The following AKAP19 variants were observed in gnomAD, a reference collection of about 807,000 sequenced individuals.
AKAP19 encodes the protein small A-kinase anchoring protein.
chr2:189,920,279 A>G, the AKAP19 span, among the ~76,000 whole-genome samples: 10 of 152,304 alleles, frequency 6.6e-5, no homozygotes, highest in East Asian at 1.9e-3. Context: ...GGGCTTCTAC[A>G]CTTTTCTTGC....
the AKAP19 span, among the ~76,000 whole-genome samples, chr2:190,015,756 A>G: frequency 3.3e-5 from 5 of 152,200 alleles, no homozygotes; most frequent in African/African-American, 9.6e-5. Context: ...TTGTGAATGC[A>G]TAAGACTTAA....
At chr2:189,881,737 G>C in the AKAP19 span, among the ~76,000 whole-genome samples, 1 of 152,086 alleles carries the variant, frequency 6.6e-6, no homozygotes, top group Non-Finnish European at 1.5e-5. Context: ...TTGCAGTCTT[G>C]TAGCCTGCAA....
chr2:190,149,046 C>T, the AKAP19 span, among the ~76,000 whole-genome samples: 32 of 151,528 alleles, frequency 2.1e-4, no homozygotes, highest in Admixed American at 5.9e-4. Flanking sequence ...TCACTGCAAC[C>T]TCTGCCTCTC....
the AKAP19 span, among the ~76,000 whole-genome samples, chr2:190,000,143 C>A: frequency 1.3e-5 from 2 of 152,154 alleles, no homozygotes; most frequent in South Asian, 4.1e-4. Flanking sequence ...CATTGGATGA[C>A]TAAATTATAA....
the AKAP19 span, among the ~76,000 whole-genome samples, chr2:190,144,770 A>G: frequency 6.6e-6 from 1 of 152,020 alleles, no homozygotes; most frequent in Admixed American, 6.6e-5. Flanking sequence ...TGAGGTCAGG[A>G]GTTCGAGACC....
At chr2:190,121,777 G>A in the AKAP19 span, among the ~76,000 whole-genome samples, 1 of 152,164 alleles carries the variant, frequency 6.6e-6, no homozygotes, top group Non-Finnish European at 1.5e-5. Flanking sequence ...GGAATTTTAA[G>A]ACCCAAGAAA....
chr2:190,168,417 C>A, the AKAP19 span, among the ~76,000 whole-genome samples: 2 of 152,118 alleles, frequency 1.3e-5, no homozygotes, highest in African/African-American at 4.8e-5. Context: ...CCCCCACCCC[C>A]CCACCGCCCT....
chr2:189,881,807 C>T, the AKAP19 span, among the ~76,000 whole-genome samples: 237 of 152,226 alleles, frequency 1.6e-3, 2 homozygotes, highest in Middle Eastern at 0.034. Flanking sequence ...AAACATTAGG[C>T]AAGACTAGAA....
the AKAP19 span, among the ~76,000 whole-genome samples, chr2:189,976,950 T>C: frequency 6.6e-6 from 1 of 152,160 alleles, no homozygotes; most frequent in Non-Finnish European, 1.5e-5. Flanking sequence ...CTTGCCCTGC[T>C]TTGGCTCACA....
At chr2:189,944,497 A>G in the AKAP19 span, among the ~76,000 whole-genome samples, 1 of 152,128 alleles carries the variant, frequency 6.6e-6, no homozygotes, top group Non-Finnish European at 1.5e-5. Context: ...CACCTCGGGT[A>G]TTTCTTTATA....
chr2:189,995,038 C>T, the AKAP19 span, among the ~76,000 whole-genome samples: 26 of 152,124 alleles, frequency 1.7e-4, 1 homozygote, highest in Non-Finnish European at 2.4e-4. Context: ...TGTTTTGTGG[C>T]CTATCATATG....
the AKAP19 span, among the ~76,000 whole-genome samples, chr2:190,010,650 G>A: frequency 6.6e-6 from 1 of 152,102 alleles, no homozygotes; most frequent in Admixed American, 6.5e-5. Context: ...AATATGGTGG[G>A]TGATATATCA....
the AKAP19 span, among the ~76,000 whole-genome samples, chr2:189,960,259 T>A: frequency 6.6e-6 from 1 of 152,194 alleles, no homozygotes. Context: ...AGGGAGAATA[T>A]ACATACAAAA....
the AKAP19 span, among the ~76,000 whole-genome samples, chr2:190,092,245 C>T: frequency 1.3e-5 from 2 of 152,276 alleles, no homozygotes; most frequent in Admixed American, 1.3e-4. Flanking sequence ...AACTCCAGTT[C>T]CAAGAAGGCC....
At chr2:189,890,825 A>T in the AKAP19 span, among the ~76,000 whole-genome samples, 1 of 152,036 alleles carries the variant, frequency 6.6e-6, no homozygotes, top group African/African-American at 2.4e-5. Context: ...TGCACATGAG[A>T]TGTGTCTCCT....
chr2:190,048,764 A>G, the AKAP19 span, among the ~76,000 whole-genome samples: 1 of 152,188 alleles, frequency 6.6e-6, no homozygotes, highest in Non-Finnish European at 1.5e-5. Context: ...CCATGTGGTT[A>G]TTAGGAGATG....
the AKAP19 span, among the ~76,000 whole-genome samples, chr2:189,911,420 T>G: frequency 6.6e-6 from 1 of 152,090 alleles, no homozygotes; most frequent in East Asian, 1.9e-4. Context: ...TTTCCTAAAA[T>G]TTTTCAAGCC....
At chr2:190,033,269 TTAC>T in the AKAP19 span, among the ~76,000 whole-genome samples, 16 of 152,204 alleles carry the variant, frequency 1.1e-4, no homozygotes, top group Admixed American at 2.0e-4. Flanking sequence ...ATTGTGCTGC[TTAC>T]AGATGACAGG....
At chr2:189,907,566 G>C in the AKAP19 span, among the ~76,000 whole-genome samples, 1 of 151,962 alleles carries the variant, frequency 6.6e-6, no homozygotes, top group Non-Finnish European at 1.5e-5. Context: ...TTAATGGTTT[G>C]TCTCTACTCA....
Sources: allele counts gnomAD v4.1 joint callset (sites outside exome capture counted in the v4.1 genomes callset), GRCh38; gene constraint gnomAD v4.1.1; transcripts MANE v1.5; gene names NCBI Gene and HGNC (gene_info 2026-07-23, HGNC 2026-07-21).